The following RRBP1 variants were observed in gnomAD, a reference collection of about 807,000 sequenced individuals.
RRBP1 encodes the protein ribosome-binding protein 1.
A neutral mutation model predicts 165.2 loss-of-function variants in RRBP1; 94 were observed. The ratio of observed to expected loss-of-function variants is 0.57; its 90% CI spans 0.48 to 0.68. The LOEUF is 0.68. RRBP1 is among the 30% of genes least tolerant of loss of function. The probability of loss-of-function intolerance (pLI) is 0.00; values close to 1 mark genes in which losing one functional copy is unlikely to be tolerated. For missense variants in RRBP1, 1,676 were observed against 1,763.0 expected (o/e 0.95, Z 0.88); for synonymous variants, 680 against 714.5 (o/e 0.95, Z 0.77).
chr20:17,615,319 C>G (rs1806843261), intron 23 of RRBP1, 112 bp downstream of exon 23: 2 of 804,748 alleles, frequency 2.5e-6, no homozygotes, highest in Admixed American at 6.2e-5. Flanking sequence ...GTGCCAAGGG[C>G]AGGTCCCGGT....
rs776275268 is a variant in RRBP1, at chr20:17,616,760, G to A, written c.3839C>T (p.Ala1280Val). The A allele has an allele frequency of 9.3e-6, 15 of 1,611,330 alleles. No individual in the cohort carries two copies. In the South Asian group the frequency reaches 9.9e-5, roughly 11 times the overall value. The stretch of plus-strand genomic sequence containing the variant: ...AACGGGGTCCTGCTCGGCTGGGGGC[G>A]CCTCTGGGGAGGAAGCTGGGGCCCC... The part of the protein sequence containing the change: ...IAGAPASSPE[A>V]PPAEQDPVQL... The change falls in exon 21 of 25, where the codon GCG (alanine) becomes GTG (valine). Residue 1280 changes from alanine (A) to valine (V), a missense_variant. By Grantham distance (64) the Ala-to-Val change is moderately conservative (BLOSUM62 0). Coordinates refer to ENST00000377813, the MANE Select transcript of RRBP1 (RefSeq NM_001365613.2).
chr20:17,669,997 T>C (rs955342311), intron 2 of RRBP1, among the ~76,000 whole-genome samples: 83 of 152,352 alleles, frequency 5.4e-4, no homozygotes, highest in African/African-American at 1.9e-3. Flanking sequence ...GCAAGTATTC[T>C]GTTTTTCTCA....
Position 17,621,752 on chromosome 20 carries a change from C to T in RRBP1, c.3262G>A (p.Asp1088Asn), listed in dbSNP as rs767326424. ...AQQNYTEWLQ[D>N]LKEKGPTLLK... ...AGCGTGGGGCCTTTCTCTTTGAGAT[C>T]CTGCAGCCACTCGGTGTAATTCTGC... The change falls in exon 15 of 25, where the codon GAT becomes AAT. Residue 1088 changes from aspartate (D) to asparagine (N), a missense_variant. Transcript: ENST00000377813. 6.2e-6 allele frequency: 10 copies of T among 1,613,772 alleles called. No homozygotes were observed. The East Asian group carries it at 2.2e-4, about 36-fold the overall frequency.
intron 17 of RRBP1, 145 bp downstream of exon 17, chr20:17,620,570 C>CA (rs2122255658): frequency 1.3e-6 from 1 of 795,356 alleles, no homozygotes; most frequent in South Asian, 1.4e-5. Context: ...ACTGAGCTGT[C>CA]ATCCCGCAAC....
Position 17,621,336 on chromosome 20 carries a change from C to A in RRBP1, c.3414+122G>T, listed in dbSNP as rs545003010. On this transcript the variant is annotated intron_variant, in intron 16 of 24. Transcript: ENST00000377813. Reference sequence around the variant, plus strand: ...TACCATGCAGCCGAAGAACGGGGCCCAGAGTCACAAGGCCAGTGGGCTTTT... The same window carrying A: ...TACCATGCAGCCGAAGAACGGGGCCAAGAGTCACAAGGCCAGTGGGCTTTT... The A allele has an allele frequency of 1.7e-4, 114 of 683,366 alleles. 1 individual carries two copies. Among genetic ancestry groups the A allele is most frequent in the Non-Finnish European group, 2.7e-4 (106 of 393,584 alleles). The allele number at this position is 683,366 out of a possible 1,614,324, so 42.3% of individuals were successfully genotyped here. A position where few individuals can be genotyped will look rare whatever the true frequency, so the allele number is the denominator to read the frequency against.
intron 5 of RRBP1, among the ~76,000 whole-genome samples, chr20:17,639,912 A>G (rs1372186027): frequency 6.6e-6 from 1 of 152,022 alleles, no homozygotes; most frequent in African/African-American, 2.4e-5. Flanking sequence ...AAAAAAAAAA[A>G]AAGAATAAGG....
intron 2 of RRBP1, among the ~76,000 whole-genome samples, chr20:17,662,033 C>G (rs1207178260): frequency 6.6e-6 from 1 of 152,130 alleles, no homozygotes; most frequent in African/African-American, 2.4e-5. Context: ...GAGGCCAAGG[C>G]AGGCAGATCA....
At chr20:17,614,504 G>A (rs2035753566) in intron 24 of RRBP1, among the ~76,000 whole-genome samples, 1 of 152,236 alleles carries the variant, frequency 6.6e-6, no homozygotes, top group Non-Finnish European at 1.5e-5. Context: ...TCAGACACTC[G>A]CTTCCCAGCA....
At chr20:17,673,301 C>G (rs2037014096) in intron 2 of RRBP1, among the ~76,000 whole-genome samples, 1 of 152,174 alleles carries the variant, frequency 6.6e-6, no homozygotes, top group African/African-American at 2.4e-5. Flanking sequence ...GTAACTGAGG[C>G]CAGGGTCAAG....
At chr20:17,644,394 CAA>C (rs1477515069) in intron 3 of RRBP1, among the ~76,000 whole-genome samples, 2 of 152,170 alleles carry the variant, frequency 1.3e-5, no homozygotes, top group African/African-American at 4.8e-5. Flanking sequence ...AATGCACACA[CAA>C]GAGAAAATTC....
At chr20:17,632,775 C>T (rs557095007) in intron 8 of RRBP1, among the ~76,000 whole-genome samples, 23 of 152,304 alleles carry the variant, frequency 1.5e-4, no homozygotes, top group African/African-American at 4.3e-4. Context: ...GGCCAGCAGA[C>T]GGATGGGAAT....
intron 8 of RRBP1, among the ~76,000 whole-genome samples, chr20:17,632,854 G>A (rs1600740288): frequency 6.6e-6 from 1 of 152,144 alleles, no homozygotes; most frequent in Admixed American, 6.5e-5. Context: ...GGGACAGGGG[G>A]ACAATCTTCC....
chr20:17,624,476 C>A, intron 13 of RRBP1, 100 bp downstream of exon 13: 1 of 795,834 alleles, frequency 1.3e-6, no homozygotes, highest in South Asian at 1.5e-5. Context: ...TCTGTGCGTC[C>A]TAGAGCATCT....
At chr20:17,661,226 A>C (rs1016315067) in intron 2 of RRBP1, among the ~76,000 whole-genome samples, 2 of 152,176 alleles carry the variant, frequency 1.3e-5, no homozygotes, top group Non-Finnish European at 2.9e-5. Flanking sequence ...AGAGATAAAA[A>C]CTTCTGCATT....
intron 3 of RRBP1, among the ~76,000 whole-genome samples, chr20:17,647,912 T>C (rs2036493056): frequency 1.3e-5 from 2 of 152,120 alleles, no homozygotes; most frequent in Non-Finnish European, 2.9e-5. Flanking sequence ...TGGCGTGCCT[T>C]CCACGCCCTG....
At chr20:17,644,668 GT>G (rs1274985183) in intron 3 of RRBP1, among the ~76,000 whole-genome samples, 1 of 152,174 alleles carries the variant, frequency 6.6e-6, no homozygotes, top group Non-Finnish European at 1.5e-5. Flanking sequence ...TCAGAAAAGC[GT>G]CCTGCGCCGT....
At chr20:17,668,480 T>C (rs927071925) in intron 2 of RRBP1, among the ~76,000 whole-genome samples, 13 of 152,236 alleles carry the variant, frequency 8.5e-5, no homozygotes, top group African/African-American at 3.1e-4. Context: ...TGAGCTGTTT[T>C]ATCTTTGCTT....
intron 5 of RRBP1, among the ~76,000 whole-genome samples, chr20:17,637,192 C>T (rs2036263860): frequency 6.6e-6 from 1 of 152,150 alleles, no homozygotes; most frequent in African/African-American, 2.4e-5. Context: ...CTGCCAGTTC[C>T]GCCGTGGCTG....
chr20:17,654,515 G>C (rs571051297), intron 3 of RRBP1, among the ~76,000 whole-genome samples: 1 of 152,244 alleles, frequency 6.6e-6, no homozygotes, highest in East Asian at 1.9e-4. Context: ...TTGAATTTCG[G>C]GCCTTACCAC....
Sources: allele counts gnomAD v4.1 joint callset (sites outside exome capture counted in the v4.1 genomes callset), GRCh38; gene constraint gnomAD v4.1.1; transcripts MANE v1.5; gene names NCBI Gene and HGNC (gene_info 2026-07-23, HGNC 2026-07-21).